Variants in ROBO2 observed in about 807,000 individuals in gnomAD.
ROBO2 encodes the protein roundabout guidance receptor 2, also known as roundabout homolog 2.
In ROBO2, 53 loss-of-function variants were observed where a neutral mutation model predicts 160.8. The ratio of observed to expected loss-of-function variants is 0.33; its 90% CI spans 0.26 to 0.41. The LOEUF (loss-of-function observed/expected upper bound fraction) is 0.41, where lower values mean the gene tolerates loss of function less well. Ranked by LOEUF, ROBO2 falls within the 10% of genes least tolerant of loss-of-function variation. The pLI is 1.00. For synonymous variants in ROBO2, 664 were observed against 611.7 expected (o/e 1.09, Z -1.26); for missense variants, 1,577 against 1,722.4 (o/e 0.92, Z 1.49).
At chr3:77,477,031 G>GCATATATATATGCGTGCACACAAACACA (rs2084093432) in intron 2 of ROBO2, among the ~76,000 whole-genome samples, 1 of 151,702 alleles carries the variant, frequency 6.6e-6, no homozygotes, top group Non-Finnish European at 1.5e-5. Flanking sequence ...CAAACCACAT[G>GCATATATATATGCGTGCACACAAACACA]CATATATATA....
chr3:76,693,075 A>G (rs2092841693), intron 2 of ROBO2, among the ~76,000 whole-genome samples: 1 of 149,490 alleles, frequency 6.7e-6, no homozygotes, highest in African/African-American at 2.4e-5. Flanking sequence ...ATCTATATAT[A>G]GTGTATATAT....
chr3:76,165,601 C>T (rs562555008), intron 2 of ROBO2, among the ~76,000 whole-genome samples: 7 of 152,262 alleles, frequency 4.6e-5, no homozygotes, highest in South Asian at 2.1e-4. Context: ...CTGTTTGGTG[C>T]GAGTAGCCTA....
intron 2 of ROBO2, among the ~76,000 whole-genome samples, chr3:77,379,315 A>G (rs2073130033): frequency 6.6e-6 from 1 of 152,210 alleles, no homozygotes; most frequent in Non-Finnish European, 1.5e-5. Flanking sequence ...GTTAATCTGC[A>G]ATACCTTTAT....
intron 2 of ROBO2, among the ~76,000 whole-genome samples, chr3:77,274,574 A>G (rs976054863): frequency 1.3e-5 from 2 of 152,126 alleles, no homozygotes; most frequent in Non-Finnish European, 1.5e-5. Flanking sequence ...GTTCTCTTTA[A>G]TGATGTTTTT....
At chr3:77,484,679 T>C (rs2085133636) in intron 4 of ROBO2, among the ~76,000 whole-genome samples, 1 of 152,040 alleles carries the variant, frequency 6.6e-6, no homozygotes, top group South Asian at 2.1e-4. Flanking sequence ...TTATAGAAGA[T>C]GATGATTTGG....
At chr3:76,027,143 G>A (rs533180617) in intron 2 of ROBO2, among the ~76,000 whole-genome samples, 104 of 151,944 alleles carry the variant, frequency 6.8e-4, no homozygotes, top group African/African-American at 2.3e-3. Flanking sequence ...TTACCCTTTT[G>A]TTGACTGTAA....
intron 2 of ROBO2, among the ~76,000 whole-genome samples, chr3:76,052,982 G>A (rs2067704748): frequency 6.6e-6 from 1 of 151,940 alleles, no homozygotes; most frequent in African/African-American, 2.4e-5. Flanking sequence ...TTTTAAAGAA[G>A]CTAGTTTTAT....
chr3:77,550,964 A>G (rs1168785768), exon 8 of ROBO2: 1 of 1,612,768 alleles, frequency 6.2e-7, no homozygotes, highest in Non-Finnish European at 8.5e-7. Flanking sequence ...GCATTTTAGC[A>G]AAAGCTCAAC....
chr3:76,326,329 A>C (rs2107957682), intron 2 of ROBO2, among the ~76,000 whole-genome samples: 1 of 152,300 alleles, frequency 6.6e-6, no homozygotes, highest in African/African-American at 2.4e-5. Context: ...CTACACTCTA[A>C]GAATGTTCAC....
intron 2 of ROBO2, among the ~76,000 whole-genome samples, chr3:76,532,854 G>A (rs1241755788): frequency 6.6e-6 from 1 of 152,064 alleles, no homozygotes; most frequent in South Asian, 2.1e-4. Flanking sequence ...GAAGAGTGGG[G>A]TCACGTTTTA....
intron 2 of ROBO2, among the ~76,000 whole-genome samples, chr3:76,480,859 A>G (rs1371643059): frequency 2.6e-5 from 4 of 152,208 alleles, no homozygotes; most frequent in African/African-American, 9.6e-5. Flanking sequence ...AACATTCTCA[A>G]TAAGAACAGA....
intron 2 of ROBO2, among the ~76,000 whole-genome samples, chr3:77,112,667 T>C (rs558573324): frequency 1.3e-5 from 2 of 152,176 alleles, no homozygotes. Context: ...CCTCAAGAAC[T>C]ATTCTCCCAA....
intron 2 of ROBO2, among the ~76,000 whole-genome samples, chr3:76,445,735 A>T (rs940211739): frequency 1.3e-5 from 2 of 152,204 alleles, no homozygotes; most frequent in Non-Finnish European, 2.9e-5. Flanking sequence ...CTGGTTCAAC[A>T]TACGAAAATC....
At chr3:77,279,570 A>G (rs1038921229) in intron 2 of ROBO2, among the ~76,000 whole-genome samples, 1 of 152,070 alleles carries the variant, frequency 6.6e-6, no homozygotes, top group African/African-American at 2.4e-5. Flanking sequence ...GATCTGGCTC[A>G]TTTCTGTTGT....
intron 2 of ROBO2, among the ~76,000 whole-genome samples, chr3:76,429,982 C>G (rs1018394603): frequency 6.6e-6 from 1 of 152,222 alleles, no homozygotes; most frequent in South Asian, 2.1e-4. Context: ...CCTGGACAAC[C>G]TGCCCAGGAC....
chr3:77,589,316 T>A (rs997191595), intron 17 of ROBO2, among the ~76,000 whole-genome samples: 3 of 152,118 alleles, frequency 2.0e-5, no homozygotes, highest in Admixed American at 1.3e-4. Context: ...ATTACTTCAA[T>A]GTTCAGGAAA....
intron 2 of ROBO2, among the ~76,000 whole-genome samples, chr3:76,649,904 A>G (rs1311075909): frequency 1.3e-5 from 2 of 152,166 alleles, no homozygotes; most frequent in Non-Finnish European, 2.9e-5. Flanking sequence ...AGCATTGATG[A>G]TTAAAACTAG....
intron 2 of ROBO2, among the ~76,000 whole-genome samples, chr3:76,747,390 G>T (rs115133024): frequency 6.6e-6 from 1 of 151,906 alleles, no homozygotes; most frequent in African/African-American, 2.4e-5. Context: ...ATCTTTCATA[G>T]AATTTTAACT....
At chr3:77,303,603 T>C (rs1311996633) in intron 2 of ROBO2, among the ~76,000 whole-genome samples, 1 of 152,100 alleles carries the variant, frequency 6.6e-6, no homozygotes, top group Non-Finnish European at 1.5e-5. Context: ...AATTAAAATA[T>C]AGGGGTATCT....
Sources: gnomAD v4.1 joint callset for allele counts (sites outside exome capture counted in the v4.1 genomes callset) on GRCh38, gnomAD v4.1.1 for gene constraint, MANE v1.5 for transcripts, NCBI Gene and HGNC (gene_info 2026-07-23, HGNC 2026-07-21) for gene names.